The following NLGN1 variants were observed in gnomAD, a reference collection of about 807,000 sequenced individuals.
NLGN1 encodes neuroligin 1.
A neutral mutation model predicts 65.5 loss-of-function variants in NLGN1; 12 were observed. The ratio of observed to expected loss-of-function variants is 0.18; its 90% confidence interval spans 0.12 to 0.30. NLGN1 has a LOEUF of 0.30. NLGN1 is among the 10% of genes least tolerant of loss of function. The pLI is 1.00. For missense variants in NLGN1, 750 were observed against 1,007.1 expected (o/e 0.74, Z 3.46); for synonymous variants, 350 against 359.5 (o/e 0.97, Z 0.30).
intron 3 of NLGN1, among the ~76,000 whole-genome samples, chr3:173,687,631 A>G (rs1764867629): frequency 6.6e-6 from 1 of 152,224 alleles, no homozygotes; most frequent in Non-Finnish European, 1.5e-5. Context: ...AGAAAAATAA[A>G]ATGTTTAAAT....
Position 174,188,739 on chromosome 3 carries a change from A to G in NLGN1, c.647-86576A>G, listed in dbSNP as rs1731859651. 2.0e-5 allele frequency among the ~76,000 whole-genome samples: 3 copies of G among 151,962 alleles called. No individual in the cohort carries two copies. In the South Asian group the frequency reaches 6.2e-4, roughly 32 times the overall value. ...ACCTTTAGGGAATCATTTATCCTCA[A>G]AATAACACTAGAAGAATATAGGTTT... On this transcript the variant is annotated intron_variant, in intron 4 of 6. Transcript: ENST00000457714.
At chr3:173,859,453 A>G (rs777285726) in intron 4 of NLGN1, among the ~76,000 whole-genome samples, 21 of 152,240 alleles carry the variant, frequency 1.4e-4, no homozygotes, top group African/African-American at 4.8e-4. Context: ...GCTACACCCA[A>G]TGTATTCAGA....
intron 2 of NLGN1, among the ~76,000 whole-genome samples, chr3:173,487,300 G>T (rs1218895285): frequency 6.6e-6 from 1 of 151,562 alleles, no homozygotes; most frequent in Admixed American, 6.6e-5. Context: ...GCCTTGGTTT[G>T]GGAATTAGGA....
At chr3:174,156,476 G>A in intron 4 of NLGN1, among the ~76,000 whole-genome samples, 1 of 151,760 alleles carries the variant, frequency 6.6e-6, no homozygotes. Context: ...GGAACACTTG[G>A]AAACACCTTT....
intron 4 of NLGN1, among the ~76,000 whole-genome samples, chr3:174,246,701 G>T (rs889591733): frequency 6.6e-6 from 1 of 151,846 alleles, no homozygotes; most frequent in Non-Finnish European, 1.5e-5. Context: ...TTACAGGTGT[G>T]AGCCACTGTT....
intron 4 of NLGN1, among the ~76,000 whole-genome samples, chr3:174,198,304 A>G (rs1487737708): frequency 2.6e-5 from 4 of 152,216 alleles, no homozygotes; most frequent in African/African-American, 9.6e-5. Context: ...AATTTCCCCA[A>G]GGTCAAAGAG....
intron 2 of NLGN1, among the ~76,000 whole-genome samples, chr3:173,561,954 A>G (rs1466039436): frequency 1.3e-5 from 2 of 152,220 alleles, no homozygotes; most frequent in Admixed American, 6.5e-5. Flanking sequence ...TGGTGTGACA[A>G]TTAAACAAAA....
intron 4 of NLGN1, among the ~76,000 whole-genome samples, chr3:173,808,943 G>C (rs1229238853): frequency 6.6e-6 from 1 of 152,034 alleles, no homozygotes; most frequent in Non-Finnish European, 1.5e-5. Context: ...CTGTGTTTAT[G>C]CTTATCACAA....
At chr3:173,460,718 T>C (rs1315050125) in intron 2 of NLGN1, among the ~76,000 whole-genome samples, 2 of 152,124 alleles carry the variant, frequency 1.3e-5, no homozygotes, top group Non-Finnish European at 2.9e-5. Flanking sequence ...CAGAAAGAAG[T>C]TGGGTCTACA....
rs372689243 is a variant in NLGN1, at chr3:173,972,577, A to G, written c.646+164745A>G. The stretch of plus-strand genomic sequence containing the variant: ...TCACAAATGTGGAAGAGAAAGAGAT[A>G]AAAATGAGAAAAGATAATGATAAAA... On this transcript the variant is annotated intron_variant, in intron 4 of 6. Transcript: ENST00000457714. Among the ~76,000 whole-genome samples the G allele has an allele frequency of 5.3e-5, 8 of 152,262 alleles. No homozygotes were observed. The East Asian group carries it at 1.5e-3, about 29-fold the overall frequency.
chr3:173,958,067 GA>G (rs1290303077), intron 4 of NLGN1, among the ~76,000 whole-genome samples: 1 of 152,190 alleles, frequency 6.6e-6, no homozygotes, highest in Non-Finnish European at 1.5e-5. Context: ...GAGACACCAA[GA>G]ACTGCAGAGC....
intron 4 of NLGN1, among the ~76,000 whole-genome samples, chr3:174,182,323 T>G (rs1730598708): frequency 6.6e-6 from 1 of 152,172 alleles, no homozygotes; most frequent in South Asian, 2.1e-4. Context: ...CACTCCCTAT[T>G]TTGAAAATAA....
intron 2 of NLGN1, among the ~76,000 whole-genome samples, chr3:173,446,562 A>G (rs959027647): frequency 5.9e-5 from 9 of 152,178 alleles, no homozygotes; most frequent in African/African-American, 1.9e-4. Flanking sequence ...ATGATTTACA[A>G]TCCTTTGGGT....
At chr3:174,000,337 C>G (rs17324765) in intron 4 of NLGN1, among the ~76,000 whole-genome samples, 2,080 of 152,222 alleles carry the variant, frequency 0.014, 31 homozygotes, top group Non-Finnish European at 0.017. Flanking sequence ...AGCAAATGCT[C>G]TATTCACATT....
chr3:173,511,699 A>G (rs1733003717), intron 2 of NLGN1, among the ~76,000 whole-genome samples: 1 of 151,548 alleles, frequency 6.6e-6, no homozygotes, highest in South Asian at 2.1e-4. Context: ...CAGGTTTGGA[A>G]GTTTTTATTG....
chr3:173,432,925 C>G (rs1013540497), intron 1 of NLGN1, among the ~76,000 whole-genome samples: 1 of 152,124 alleles, frequency 6.6e-6, no homozygotes, highest in African/African-American at 2.4e-5. Context: ...TCCCCCCAGG[C>G]TCTCTCAGTG....
At chr3:174,137,445 C>T (rs563160049) in intron 4 of NLGN1, among the ~76,000 whole-genome samples, 1 of 152,064 alleles carries the variant, frequency 6.6e-6, no homozygotes, top group Non-Finnish European at 1.5e-5. Flanking sequence ...AATTAACTAG[C>T]CATATGACCT....
intron 4 of NLGN1, among the ~76,000 whole-genome samples, chr3:173,960,940 T>C (rs1713402620): frequency 2.0e-5 from 3 of 152,076 alleles, no homozygotes; most frequent in Admixed American, 1.3e-4. Context: ...GAAATACTAC[T>C]TAAATTTATA....
intron 2 of NLGN1, among the ~76,000 whole-genome samples, chr3:173,472,412 T>C (rs16826840): frequency 0.031 from 4,670 of 152,204 alleles, 231 homozygotes; most frequent in African/African-American, 0.11. Context: ...AGTTTAAATG[T>C]GAGCCATATA....
Sources: allele counts gnomAD v4.1 joint callset (sites outside exome capture counted in the v4.1 genomes callset), GRCh38; gene constraint gnomAD v4.1.1; transcripts MANE v1.5; gene names NCBI Gene and HGNC (gene_info 2026-07-23, HGNC 2026-07-21).